TOMM7: variants seen among roughly 807,000 people sequenced by gnomAD.
TOMM7 encodes translocase of outer mitochondrial membrane 7.
Under a neutral mutation model 9.5 loss-of-function variants are expected in TOMM7, and 8 were observed. The ratio of observed to expected loss-of-function variants is 0.84; its 90% CI spans 0.49 to 1.51. TOMM7 has a LOEUF of 1.51. TOMM7 is among the 40% of genes most tolerant of loss of function. The probability of loss-of-function intolerance (pLI) is 0.00; values close to 1 mark genes in which losing one functional copy is unlikely to be tolerated. For synonymous variants in TOMM7, 27 were observed against 21.4 expected (o/e 1.26, Z -0.72); for missense variants, 74 against 63.7 (o/e 1.16, Z -0.55).
Position 22,822,767 on chromosome 7 carries a change from T to A in TOMM7, c.13A>T (p.Ser5Cys). 1 of 1,614,148 alleles carries A rather than the reference T, an allele frequency of 6.2e-7. No individual in the cohort carries two copies. The highest frequency in any genetic ancestry group is 2.2e-5 in the East Asian group (1 of 44,884). The change falls in exon 1 of 3, where the codon AGC (serine) becomes TGC (cysteine). Residue 5 changes from serine to cysteine, a missense_variant. Physicochemically the swap from Ser to Cys is moderately radical, Grantham distance 112. Coordinates refer to ENST00000358435, the MANE Select transcript of TOMM7 (RefSeq NM_019059.5). MVKLSKEAKQRLQQL... is the reference protein window; with the variant it reads MVKLCKEAKQRLQQL... The stretch of plus-strand genomic sequence containing the variant: ...TGTAGTCTCTGCTTGGCCTCTTTGC[T>A]CAGCTTCACCATGGCGACGGCCGTG...
intron 2 of TOMM7, among the ~76,000 whole-genome samples, chr7:22,813,745 T>C (rs1160799858): frequency 2.0e-5 from 3 of 151,122 alleles, no homozygotes; most frequent in Non-Finnish European, 4.4e-5. Flanking sequence ...CTCAACTAAC[T>C]CTTACCCCAA....
intron 2 of TOMM7, among the ~76,000 whole-genome samples, chr7:22,813,817 G>C (rs191035069): frequency 7.2e-6 from 1 of 137,992 alleles, no homozygotes; most frequent in Admixed American, 7.5e-5. Flanking sequence ...TAGAGTGTAG[G>C]AAGGAGAAAA....
chr7:22,817,882 C>T (rs1583463310), intron 2 of TOMM7, 118 bp downstream of exon 2: 2 of 968,106 alleles, frequency 2.1e-6, no homozygotes, highest in East Asian at 2.5e-5. Flanking sequence ...TAGCCCAAAA[C>T]TATACTGACT....
At chr7:22,813,444 A>C (rs983599850) in intron 2 of TOMM7, among the ~76,000 whole-genome samples, 1 of 152,216 alleles carries the variant, frequency 6.6e-6, no homozygotes. Context: ...GAAGTCAATC[A>C]AAAGGAAAAC....
intron 2 of TOMM7, among the ~76,000 whole-genome samples, chr7:22,815,592 T>C (rs1782307511): frequency 1.3e-5 from 2 of 152,046 alleles, no homozygotes; most frequent in South Asian, 4.2e-4. Flanking sequence ...ATGAGGGTCA[T>C]TAGTTAATTC....
At chr7:22,821,175 GC>G (rs1782383550) in intron 1 of TOMM7, among the ~76,000 whole-genome samples, 1 of 152,182 alleles carries the variant, frequency 6.6e-6, no homozygotes, top group Non-Finnish European at 1.5e-5. Context: ...ACTTTGGGAG[GC>G]CGAGGCGGGC....
chr7:22,817,242 CTGTG>C (rs1206529290), intron 2 of TOMM7: 1 of 153,058 alleles, frequency 6.5e-6, no homozygotes, highest in Non-Finnish European at 1.5e-5. Context: ...AATATGTATA[CTGTG>C]TGTGTGAAGT....
intron 2 of TOMM7, 56 bp from the exon 3 acceptor site, chr7:22,813,241 G>A: frequency 6.5e-7 from 1 of 1,545,974 alleles, no homozygotes; most frequent in Non-Finnish European, 8.9e-7. Flanking sequence ...AAATCTTCTA[G>A]ACATAACCTA....
Position 22,822,804 on chromosome 7 carries a change from G to C in TOMM7, c.-25C>G, listed in dbSNP as rs745677965. 4.4e-6 allele frequency: 7 copies of C among 1,593,686 alleles called. No individual in the cohort carries two copies. Among genetic ancestry groups the C allele is most frequent in the African/African-American group, 1.3e-5 (1 of 74,522 alleles). On this transcript the variant is annotated 5_prime_UTR_variant, in exon 1 of 3. Transcript: ENST00000358435. ...TGGCGACGGCCGTGTGGCGCAGGGA[G>C]GACCCCTTACAGCAACCACAGCGTC...
chr7:22,817,009 G>A (rs1301756764), intron 2 of TOMM7, among the ~76,000 whole-genome samples: 1 of 152,116 alleles, frequency 6.6e-6, no homozygotes, highest in Non-Finnish European at 1.5e-5. Flanking sequence ...CGAAGAAAAT[G>A]AATAAAGCCC....
intron 2 of TOMM7, 68 bp from the exon 3 acceptor site, chr7:22,813,253 G>A (rs1782271732): frequency 7.0e-7 from 1 of 1,429,856 alleles, no homozygotes; most frequent in African/African-American, 1.4e-5. Flanking sequence ...CATAACCTAA[G>A]ACCTAGAAAA....
chr7:22,822,825 G>C lies in TOMM7; in HGVS notation c.-46C>G, dbSNP rs933326616. On this transcript the variant is annotated 5_prime_UTR_variant, in exon 1 of 3. Coordinates refer to ENST00000358435, the MANE Select transcript of TOMM7 (RefSeq NM_019059.5). ...GGGAGGACCCCTTACAGCAACCACAGCGTCGGGAATCCGAAAGGGAAAGGA... is the reference window on the plus strand; with the variant it reads ...GGGAGGACCCCTTACAGCAACCACACCGTCGGGAATCCGAAAGGGAAAGGA... The C allele has an allele frequency of 2.0e-6, 3 of 1,513,446 alleles. No individual in the cohort carries two copies. Among genetic ancestry groups the C allele is most frequent in the East Asian group, 2.3e-5 (1 of 44,356 alleles). The allele number at this position is 1,513,446 out of a possible 1,614,324, so 93.8% of individuals were successfully genotyped here. A position where few individuals can be genotyped will look rare whatever the true frequency, so the allele number is the denominator to read the frequency against.
chr7:22,822,708 G>A lies in TOMM7; in HGVS notation c.72C>T (p.Arg24=). 6.2e-7 allele frequency: 1 copy of A among 1,614,176 alleles called. No homozygotes were observed. The highest frequency in any genetic ancestry group is 8.5e-7 in the Non-Finnish European group (1 of 1,180,014). ...AAATCACAAGAGGGATAAAGCCCCA[G>A]CGAATGGCAAACTGGCTCCCCTTGA... is the stretch of plus-strand genomic sequence containing the variant. ...QLFKGSQFAI[R]WGFIPLVIYL... The change falls in exon 1 of 3, where the codon CGC becomes CGT. Residue 24 remains arginine (R), a synonymous_variant. Transcript: ENST00000358435.
intron 1 of TOMM7, among the ~76,000 whole-genome samples, chr7:22,821,178 G>A (rs571975127): frequency 1.1e-4 from 17 of 152,202 alleles, no homozygotes; most frequent in South Asian, 4.1e-4. Context: ...TTGGGAGGCC[G>A]AGGCGGGCGG....
rs889927464 is a variant in TOMM7, at chr7:22,821,759, G to GA, written c.103+917dup. Among the ~76,000 whole-genome samples, 236 of 149,876 alleles carry GA rather than the reference G, an allele frequency of 1.6e-3. 1 individual carries two copies. Among genetic ancestry groups the GA allele is most frequent in the African/African-American group, 3.9e-3 (161 of 40,850 alleles). The stretch of plus-strand genomic sequence containing the variant: ...GCGACTGTCTCAAAAAGGAAAAAAG[G>GA]AAAAAAAAAGACAGAAAAGAAAAGA... On this transcript the variant is annotated intron_variant, in intron 1 of 2. Transcript: ENST00000358435.
At chr7:22,817,411 CT>C (rs752811909) in intron 2 of TOMM7, 699 of 151,058 alleles carry the variant, frequency 4.6e-3, no homozygotes, top group South Asian at 0.025. Context: ...TAATTATTTA[CT>C]TTTTTTTTTT....
Position 22,813,139 on chromosome 7 carries a change from T to C in TOMM7, c.*31A>G. ...CACATCTTCCATGCTGTCCGCTGATTGCCTCCAAATCCAGAAGACCAAATA... is the reference window on the plus strand; with the variant it reads ...CACATCTTCCATGCTGTCCGCTGATCGCCTCCAAATCCAGAAGACCAAATA... On this transcript the variant is annotated 3_prime_UTR_variant, in exon 3 of 3. Transcript: ENST00000358435. 3 of 1,613,218 alleles carry C rather than the reference T, an allele frequency of 1.9e-6. No homozygotes were observed. Among genetic ancestry groups the C allele is most frequent in the Non-Finnish European group, 2.5e-6 (3 of 1,179,220 alleles).
chr7:22,820,999 T>C (rs1266102391), intron 1 of TOMM7, among the ~76,000 whole-genome samples: 1 of 152,184 alleles, frequency 6.6e-6, no homozygotes, highest in African/African-American at 2.4e-5. Context: ...CCATAGCATT[T>C]TAAAATGTGA....
intron 1 of TOMM7, among the ~76,000 whole-genome samples, chr7:22,820,172 T>C (rs1337328841): frequency 6.6e-6 from 1 of 152,156 alleles, no homozygotes; most frequent in Non-Finnish European, 1.5e-5. Flanking sequence ...ACCCTGTCTC[T>C]ATTTCAACAT....
Sources: allele counts gnomAD v4.1 joint callset (sites outside exome capture counted in the v4.1 genomes callset), GRCh38; gene constraint gnomAD v4.1.1; transcripts MANE v1.5; gene names NCBI Gene and HGNC (gene_info 2026-07-23, HGNC 2026-07-21).